Variants in TJP2 observed in about 807,000 individuals in gnomAD.
TJP2 encodes Friedreich ataxia region gene X104 (tight junction protein ZO-2).
A neutral mutation model predicts 133.1 loss-of-function variants in TJP2; 91 were observed. The ratio of observed to expected loss-of-function variants is 0.68; its 90% CI spans 0.58 to 0.81. TJP2 has a LOEUF of 0.81. Among genes scored for constraint, TJP2 ranks in the 40% least tolerant of loss-of-function variants. TJP2 has a pLI of 0.00. For synonymous variants in TJP2, 592 were observed against 583.4 expected, an observed-to-expected ratio of 1.01 and a Z score of -0.21; for missense variants, 1,541 against 1,565.6, an observed-to-expected ratio of 0.98 and a Z score of 0.26.
intron 3 of TJP2, among the ~76,000 whole-genome samples, chr9:69,217,261 G>C (rs906142726): frequency 2.6e-5 from 4 of 152,158 alleles, no homozygotes; most frequent in Non-Finnish European, 5.9e-5. Flanking sequence ...AAAGTGCTGG[G>C]ATTACAGGCA....
intron 1 of TJP2, among the ~76,000 whole-genome samples, chr9:69,135,141 T>C (rs1822674781): frequency 1.3e-5 from 2 of 152,138 alleles, no homozygotes; most frequent in Admixed American, 6.6e-5. Context: ...CTTCAACATA[T>C]GAATTTTGGG....
At chr9:69,202,027 C>T (rs1827030789) in intron 1 of TJP2, among the ~76,000 whole-genome samples, 1 of 152,100 alleles carries the variant, frequency 6.6e-6, no homozygotes, top group Non-Finnish European at 1.5e-5. Context: ...TTCTTGAGTT[C>T]AGTATATTCT....
chr9:69,122,496 T>A (rs186891177), intron 1 of TJP2, among the ~76,000 whole-genome samples: 6,984 of 152,290 alleles, frequency 0.046, 255 homozygotes, highest in Non-Finnish European at 0.061. Context: ...ATTTTCACTT[T>A]CTGACCCATT....
intron 17 of TJP2, among the ~76,000 whole-genome samples, chr9:69,241,666 T>C (rs556795792): frequency 8.5e-5 from 13 of 152,320 alleles, no homozygotes; most frequent in Non-Finnish European, 1.9e-4. Context: ...TTCTGTCCTT[T>C]TTACTACTAG....
At chr9:69,222,688 G>T (rs1828979584) in intron 5 of TJP2, among the ~76,000 whole-genome samples, 1 of 152,118 alleles carries the variant, frequency 6.6e-6, no homozygotes, top group South Asian at 2.1e-4. Context: ...TAAACTAGGA[G>T]ACCAGTGGTT....
At chr9:69,140,049 C>T (rs1822948197) in intron 1 of TJP2, among the ~76,000 whole-genome samples, 1 of 152,170 alleles carries the variant, frequency 6.6e-6, no homozygotes, top group Admixed American at 6.5e-5. Context: ...CCCTGGCCTC[C>T]TTCTTTCCTC....
intron 1 of TJP2, chr9:69,145,863 C>G (rs966571471): frequency 2.5e-6 from 3 of 1,189,090 alleles, no homozygotes; most frequent in Non-Finnish European, 3.2e-6. Flanking sequence ...GATGTAAATA[C>G]TTTTTGTCTG....
intron 1 of TJP2, among the ~76,000 whole-genome samples, chr9:69,177,048 C>T (rs909773660): frequency 2.6e-5 from 4 of 152,170 alleles, no homozygotes; most frequent in African/African-American, 9.7e-5. Context: ...ATATGAGCCA[C>T]CAGGGAATTC....
intron 5 of TJP2, among the ~76,000 whole-genome samples, chr9:69,223,738 A>G (rs1325943591): frequency 6.6e-6 from 1 of 152,264 alleles, no homozygotes; most frequent in Non-Finnish European, 1.5e-5. Context: ...CTCGCCATCC[A>G]TGAAAGTAGC....
In TJP2 at chr9:69,202,805, T is replaced by A. The variant is rs117659466; in HGVS notation, c.61-9743T>A. Among the ~76,000 whole-genome samples the A allele has an allele frequency of 9.7e-3, 1,479 of 152,108 alleles. 19 individuals are homozygous for A. Among genetic ancestry groups the A allele is most frequent in the African/African-American group, 0.029 (1,206 of 41,492 alleles). The stretch of plus-strand genomic sequence containing the variant: ...AGGCAGGGGAGGCAGGCACACTCTG[T>A]ATAACTTTTATTGAAAAAAACCCAT... On this transcript the variant is annotated intron_variant, in intron 1 of 22. Coordinates refer to ENST00000377245, the MANE Select transcript of TJP2 (RefSeq NM_004817.4).
At chr9:69,140,821 C>G (rs909286037) in intron 1 of TJP2, among the ~76,000 whole-genome samples, 1 of 152,150 alleles carries the variant, frequency 6.6e-6, no homozygotes, top group African/African-American at 2.4e-5. Flanking sequence ...GCGGTGTTCC[C>G]TCACATAAGG....
chr9:69,225,941 C>T, intron 6 of TJP2, 81 bp from the exon 7 acceptor site: 1 of 1,490,218 alleles, frequency 6.7e-7, no homozygotes, highest in East Asian at 2.3e-5. Context: ...AAAGCCTTTA[C>T]ATTTTTAGAA....
In TJP2 at chr9:69,174,346, C is replaced by T. The variant is rs1449217534; in HGVS notation, c.-27C>T. On this transcript the variant is annotated 5_prime_UTR_variant, in exon 1 of 23. Coordinates refer to ENST00000377245, the MANE Select transcript of TJP2 (RefSeq NM_004817.4). ...GAAGCAGAAGCGGGGTCCGGAGCTGCGCGCCTACGCGGGACCTGTGTCCGA... is the reference window on the plus strand; with the variant it reads ...GAAGCAGAAGCGGGGTCCGGAGCTGTGCGCCTACGCGGGACCTGTGTCCGA... 1.3e-6 allele frequency: 2 copies of T among 1,551,046 alleles called. No homozygotes were observed. The highest frequency in any genetic ancestry group is 1.4e-5 in the African/African-American group (1 of 73,036).
intron 12 of TJP2, among the ~76,000 whole-genome samples, chr9:69,235,763 C>T (rs571826568): frequency 6.6e-6 from 1 of 152,272 alleles, no homozygotes; most frequent in African/African-American, 2.4e-5. Context: ...TCAAAAACAC[C>T]CTCAGAGAAA....
intron 17 of TJP2, chr9:69,246,383 A>G: frequency 2.6e-6 from 1 of 378,484 alleles, no homozygotes; most frequent in Non-Finnish European, 5.1e-6. Flanking sequence ...ATGAGCCACC[A>G]CACCTGGCCG....
In TJP2 at chr9:69,254,158, C is replaced by T. The variant is rs749333209; in HGVS notation, c.3408-51C>T. The T allele has an allele frequency of 1.2e-5, 19 of 1,608,010 alleles. No homozygotes were observed. The East Asian group carries it at 2.5e-4, about 21-fold the overall frequency. On this transcript the variant is annotated intron_variant, in intron 22 of 22. Coordinates refer to ENST00000377245, the MANE Select transcript of TJP2 (RefSeq NM_004817.4). ...TCAGAGCCATGCCTCCCCGGGCAGC[C>T]GGAGGACATGGATGTGCTCTGGAAT...
chr9:69,234,677 C>A, intron 12 of TJP2, 130 bp downstream of exon 12: 1 of 662,984 alleles, frequency 1.5e-6, no homozygotes, highest in East Asian at 2.7e-5. Context: ...ACACCTAGTC[C>A]TTGGGCCCTA....
rs764065780 is a variant in TJP2 at position 69,237,091 on chromosome 9, G to A, written c.2134G>A (p.Val712Ile). Residue 712 changes from valine to isoleucine, a missense_variant, in exon 14 of 23, where the codon GTC becomes ATC. Val to Ile is a conservative substitution (Grantham distance 29). Transcript: ENST00000377245. Reference sequence around the variant, plus strand: ...GGAAGACCTCACAGCTGTTGTGTCTGTCAGCACCAAGTTCCCAGCTTATGA... The same window carrying A: ...GGAAGACCTCACAGCTGTTGTGTCTATCAGCACCAAGTTCCCAGCTTATGA... ...SREDLTAVVS[V>I]STKFPAYERV... is the part of the protein sequence containing the mutation. The A allele has an allele frequency of 1.2e-6, 2 of 1,614,160 alleles. No homozygotes were observed. Among genetic ancestry groups the A allele is most frequent in the Non-Finnish European group, 8.5e-7 (1 of 1,180,032 alleles).
In TJP2 at chr9:69,236,100, A is replaced by C; in HGVS notation, c.1853A>C (p.Glu618Ala). The stretch of plus-strand genomic sequence containing the variant: ...AGAAGCCACTTTGAATGTGAGAAGG[A>C]AACTCCACAGAGCCTGGCCTTCACC... ...FIRSHFECEKETPQSLAFTRG... is the reference protein window; with the variant it reads ...FIRSHFECEKATPQSLAFTRG... The change falls in exon 13 of 23, where the codon GAA (glutamate) becomes GCA (alanine). Residue 618 changes from glutamate to alanine, a missense_variant. Transcript: ENST00000377245. 1 of 1,614,138 alleles carries C rather than the reference A, an allele frequency of 6.2e-7. No homozygotes were observed. The highest frequency in any genetic ancestry group is 8.5e-7 in the Non-Finnish European group (1 of 1,180,020).
Sources: gnomAD v4.1 joint callset for allele counts (sites outside exome capture counted in the v4.1 genomes callset) on GRCh38, gnomAD v4.1.1 for gene constraint, MANE v1.5 for transcripts, NCBI Gene and HGNC (gene_info 2026-07-23, HGNC 2026-07-21) for gene names.